PLXNC1: variants seen among roughly 807,000 people sequenced by gnomAD.
PLXNC1 encodes plexin C1, also known as plexin-C1.
In PLXNC1, 75 loss-of-function variants were observed where a neutral mutation model predicts 178.2. The ratio of observed to expected loss-of-function variants is 0.42; its 90% CI spans 0.35 to 0.51. PLXNC1 has a LOEUF of 0.51. Ranked by LOEUF, PLXNC1 falls within the 20% of genes least tolerant of loss-of-function variation. The probability of loss-of-function intolerance (pLI) is 0.02; values close to 1 mark genes in which losing one functional copy is unlikely to be tolerated. For missense variants in PLXNC1, 1,503 were observed against 1,984.4 expected (o/e 0.76, Z 4.61); for synonymous variants, 790 against 779.9 (o/e 1.01, Z -0.22).
intron 3 of PLXNC1, chr12:94,186,160 G>T (rs1962500567): frequency 2.0e-5 from 8 of 409,046 alleles, no homozygotes; most frequent in Non-Finnish European, 2.7e-5. Context: ...TGCGGCAGAG[G>T]CCTGGGAATA....
intron 23 of PLXNC1, among the ~76,000 whole-genome samples, chr12:94,290,728 C>G (rs1482896956): frequency 6.6e-6 from 1 of 152,240 alleles, no homozygotes; most frequent in Non-Finnish European, 1.5e-5. Flanking sequence ...CAATGTGCAG[C>G]AGGCCAGAAG....
chr12:94,193,144 A>G (rs950491194), intron 4 of PLXNC1, among the ~76,000 whole-genome samples: 3 of 152,162 alleles, frequency 2.0e-5, no homozygotes, highest in African/African-American at 7.2e-5. Flanking sequence ...CCTGAAGCTC[A>G]GTGTGGACGA....
intron 5 of PLXNC1, among the ~76,000 whole-genome samples, chr12:94,212,399 A>G (rs975437382): frequency 2.0e-5 from 3 of 152,012 alleles, no homozygotes; most frequent in Non-Finnish European, 4.4e-5. Flanking sequence ...ATAGGTATAC[A>G]TGTGCCATGT....
chr12:94,252,026 T>A (rs930847461), intron 15 of PLXNC1, among the ~76,000 whole-genome samples: 1 of 152,186 alleles, frequency 6.6e-6, no homozygotes, highest in African/African-American at 2.4e-5. Flanking sequence ...AATTTTTTTT[T>A]AAAGGATGCT....
chr12:94,240,714 G>T, intron 11 of PLXNC1, 50 bp downstream of exon 11: 1 of 1,325,240 alleles, frequency 7.5e-7, no homozygotes. Context: ...AAGGTCATAT[G>T]CCCAAAGATC....
At chr12:94,198,798 C>T (rs1385573726) in intron 4 of PLXNC1, among the ~76,000 whole-genome samples, 2 of 152,164 alleles carry the variant, frequency 1.3e-5, no homozygotes, top group African/African-American at 2.4e-5. Flanking sequence ...TCCAAATCTC[C>T]CTCTCCTTTC....
intron 12 of PLXNC1, among the ~76,000 whole-genome samples, chr12:94,247,588 T>A (rs1340472151): frequency 2.0e-5 from 3 of 152,204 alleles, no homozygotes. Flanking sequence ...CCTAGTCTCT[T>A]TTCCCATGGC....
chr12:94,232,615 G>A (rs1964135529), intron 9 of PLXNC1, among the ~76,000 whole-genome samples: 1 of 152,212 alleles, frequency 6.6e-6, no homozygotes, highest in Non-Finnish European at 1.5e-5. Context: ...TAGACAGGCA[G>A]GCAAAGTGTG....
At position 94,248,179 on chromosome 12, in the gene PLXNC1, G is replaced by A. The variant is rs773986903; in HGVS notation, c.2593-48G>A. ...TGGAAAGGTGTGTTTATGCTCGTGA[G>A]TTTCTACATGTGCTCTGATTTCTCC... On this transcript the variant is annotated intron_variant, in intron 13 of 30. Transcript: ENST00000258526. The A allele has an allele frequency of 5.0e-5, 80 of 1,594,042 alleles. No individual in the cohort carries two copies. The Admixed American group carries it at 1.3e-3, about 26-fold the overall frequency.
intron 23 of PLXNC1, among the ~76,000 whole-genome samples, chr12:94,285,827 C>G (rs1357096134): frequency 6.6e-6 from 1 of 152,158 alleles, no homozygotes; most frequent in Non-Finnish European, 1.5e-5. Context: ...GACACAGACT[C>G]CAAGGCCCTC....
At position 94,260,795 on chromosome 12, in the gene PLXNC1, A is replaced by C; in HGVS notation, c.3405A>C (p.Lys1135Asn). The change falls in exon 20 of 31, where the codon AAA becomes AAC. Residue 1135 changes from lysine (K) to asparagine (N), a missense_variant. Transcript: ENST00000258526. The surrounding 1 kb of genome is among the most constrained non-coding windows in gnomAD (Gnocchi z 4.4). ...GACGCACGGAGTCCGTCGTCGAAAAACTCCTCACAAACTGGATGTCCGTCT... is the reference window on the plus strand; with the variant it reads ...GACGCACGGAGTCCGTCGTCGAAAACCTCCTCACAAACTGGATGTCCGTCT... ...MLRRTESVVEKLLTNWMSVCL... is the reference protein window; with the variant it reads ...MLRRTESVVENLLTNWMSVCL... The C allele has an allele frequency of 6.2e-7, 1 of 1,613,730 alleles. No homozygotes were observed. The highest frequency in any genetic ancestry group is 8.5e-7 in the Non-Finnish European group (1 of 1,179,926).
Position 94,165,058 on chromosome 12 carries a change from G to A in PLXNC1, c.1063-4095G>A, listed in dbSNP as rs986466497. Among the ~76,000 whole-genome samples the A allele has an allele frequency of 4.6e-5, 7 of 152,228 alleles. No homozygotes were observed. In the East Asian group the frequency reaches 1.4e-3, roughly 29 times the overall value. ...CACACAGACGAACAAGCAGAGGCTG[G>A]GATTCAGAAATAAATTACACATAAT... On this transcript the variant is annotated intron_variant, in intron 1 of 30. Transcript: ENST00000258526.
At chr12:94,212,780 C>T (rs1641049478) in intron 5 of PLXNC1, among the ~76,000 whole-genome samples, 1 of 147,942 alleles carries the variant, frequency 6.8e-6, no homozygotes, top group Non-Finnish European at 1.5e-5. Context: ...AGTGCAGTGG[C>T]ACGATCTTGG....
At chr12:94,237,004 A>C (rs1368862848) in intron 9 of PLXNC1, among the ~76,000 whole-genome samples, 3 of 152,222 alleles carry the variant, frequency 2.0e-5, no homozygotes, top group African/African-American at 7.2e-5. Flanking sequence ...AAGGGACTCC[A>C]AGGGACATGT....
At chr12:94,242,612 T>A (rs1994208) in intron 11 of PLXNC1, among the ~76,000 whole-genome samples, 120,137 of 152,018 alleles carry the variant, frequency 0.79, 47,777 homozygotes, top group East Asian at 0.97. Context: ...GACACATTTT[T>A]TGGGGACACA....
rs552114766 is a variant in PLXNC1 at position 94,269,188 on chromosome 12, C to T, written c.3597+3963C>T. 4.6e-5 allele frequency among the ~76,000 whole-genome samples: 7 copies of T among 152,310 alleles called. No individual in the cohort carries two copies. The East Asian group carries it at 7.7e-4, about 17-fold the overall frequency. ...AATGGTTTTTTGAACTCTTAGAAAA[C>T]GAGCTTGCCAATCTGCTGTATCTGA... is the stretch of plus-strand genomic sequence containing the variant. On this transcript the variant is annotated intron_variant, in intron 21 of 30. Transcript: ENST00000258526.
At chr12:94,274,155 TAAA>T (rs3060881) in intron 21 of PLXNC1, among the ~76,000 whole-genome samples, 1,706 of 45,132 alleles carry the variant, frequency 0.038, 16 homozygotes, top group East Asian at 0.091. Context: ...ACCCTGTCTC[TAAA>T]AAAAAAAAAA....
intron 1 of PLXNC1, among the ~76,000 whole-genome samples, chr12:94,150,467 A>C (rs1390398841): frequency 6.6e-6 from 1 of 152,226 alleles, no homozygotes; most frequent in Non-Finnish European, 1.5e-5. Context: ...TTAGCAACAC[A>C]GTGCCCTCGG....
intron 5 of PLXNC1, among the ~76,000 whole-genome samples, chr12:94,211,730 C>A (rs1306365757): frequency 6.6e-6 from 1 of 152,220 alleles, no homozygotes; most frequent in Non-Finnish European, 1.5e-5. Flanking sequence ...ATAATCAGAG[C>A]AATTCCAGTT....
Sources: allele counts gnomAD v4.1 joint callset (sites outside exome capture counted in the v4.1 genomes callset), GRCh38; gene constraint gnomAD v4.1.1; non-coding constraint Gnocchi (gnomAD v3.1); transcripts MANE v1.5; gene names NCBI Gene and HGNC (gene_info 2026-07-23, HGNC 2026-07-21).